The following CLCA1 variants were observed in gnomAD, a reference collection of about 807,000 sequenced individuals.
CLCA1 encodes calcium-activated chloride channel regulator 1.
In CLCA1, 59 loss-of-function variants were observed where a neutral mutation model predicts 85.6. The observed-to-expected ratio is 0.69, with a 90% confidence interval of 0.56 to 0.86. CLCA1 has a LOEUF of 0.86. Ranked by LOEUF, CLCA1 falls within the 40% of genes least tolerant of loss-of-function variation. CLCA1 has a pLI of 0.00. For missense variants in CLCA1, 1,022 were observed against 1,101.4 expected (o/e 0.93, Z 1.02); for synonymous variants, 396 against 398.3 (o/e 0.99, Z 0.07).
At chr1:86,472,479 C>T (rs1485987489) in intron 1 of CLCA1, among the ~76,000 whole-genome samples, 2 of 152,148 alleles carry the variant, frequency 1.3e-5, no homozygotes, top group African/African-American at 4.8e-5. Context: ...GCTCAGTCTT[C>T]AGCCTCTTTT....
rs1170491879 is a variant in CLCA1, at chr1:86,493,568, T to C, written c.1649T>C (p.Met550Thr). Residue 550 changes from methionine to threonine, a missense_variant, in exon 10 of 14, where the codon ATG (methionine) becomes ACG (threonine). Met to Thr is a moderately conservative substitution (Grantham distance 81, BLOSUM62 -1). Coordinates refer to ENST00000394711, the MANE Select transcript of CLCA1 (RefSeq NM_001285.4). ...GGFVVDKNTK[M>T]AYLQIPGIAK... is the part of the protein sequence containing the mutation. Reference sequence around the variant, plus strand: ...TTTGTAGTGGACAAAAACACCAAAATGGCCTACCTCCAAATCCCAGGCATT... The same window carrying C: ...TTTGTAGTGGACAAAAACACCAAAACGGCCTACCTCCAAATCCCAGGCATT... The C allele has an allele frequency of 6.2e-7, 1 of 1,614,130 alleles. No individual in the cohort carries two copies. Among genetic ancestry groups the C allele is most frequent in the Non-Finnish European group, 8.5e-7 (1 of 1,179,960 alleles).
chr1:86,489,855 C>A (rs964052361), intron 8 of CLCA1, among the ~76,000 whole-genome samples: 1 of 152,144 alleles, frequency 6.6e-6, no homozygotes, highest in Admixed American at 6.5e-5. Context: ...CTTCTGAGGC[C>A]ACTAAAATGC....
intron 12 of CLCA1, among the ~76,000 whole-genome samples, chr1:86,498,161 AGGAAGGAAGGAAGGAAGGAAGGAAGGAT>A (rs1415475243): frequency 8.4e-6 from 1 of 118,998 alleles, no homozygotes; most frequent in East Asian, 2.2e-4. Flanking sequence ...AAAGAAAGGA[AGGAAGGAAGGAAGGAAGGAAGGAAGGAT>A]GGAAGGAAGG....
At chr1:86,491,464 T>C (rs142013304) in intron 9 of CLCA1, 93 bp downstream of exon 9, 170 of 741,068 alleles carry the variant, frequency 2.3e-4, no homozygotes, top group African/African-American at 2.2e-3. Flanking sequence ...TTTTCCACTC[T>C]TCTGGTACTG....
chr1:86,483,388 A>G (rs550790683), intron 5 of CLCA1, among the ~76,000 whole-genome samples: 2 of 152,326 alleles, frequency 1.3e-5, no homozygotes, highest in Middle Eastern at 3.4e-3. Flanking sequence ...GCACATAAAG[A>G]GAAAAATGTT....
chr1:86,487,459 G>T (rs1433653016), intron 7 of CLCA1, among the ~76,000 whole-genome samples: 1 of 152,154 alleles, frequency 6.6e-6, no homozygotes, highest in Non-Finnish European at 1.5e-5. Context: ...AATTTAGGAT[G>T]CCCCCTGGGG....
At chr1:86,487,944 T>G (rs1328507406) in intron 7 of CLCA1, among the ~76,000 whole-genome samples, 2 of 152,250 alleles carry the variant, frequency 1.3e-5, no homozygotes, top group African/African-American at 4.8e-5. Context: ...TGCAGCTTAG[T>G]AAGGCCAAAG....
At chr1:86,486,420 C>A in intron 6 of CLCA1, 106 bp from the exon 7 acceptor site, 1 of 933,988 alleles carries the variant, frequency 1.1e-6, no homozygotes, top group Non-Finnish European at 1.6e-6. Flanking sequence ...AGCTTATGGT[C>A]ATTTGCTCTA....
rs1254341747 is a variant in CLCA1, at chr1:86,473,483, G to A, written c.229G>A (p.Val77Ile). The A allele has an allele frequency of 6.2e-7, 1 of 1,610,906 alleles. No individual in the cohort carries two copies. Among genetic ancestry groups the A allele is most frequent in the Non-Finnish European group, 8.5e-7 (1 of 1,177,404 alleles). The change falls in exon 2 of 14, where the codon GTT (valine) becomes ATT (isoleucine). Residue 77 changes from valine to isoleucine, a missense_variant. By Grantham distance (29) the Val-to-Ile change is conservative. Coordinates refer to ENST00000394711, the MANE Select transcript of CLCA1 (RefSeq NM_001285.4). ...ATGKRFYFKN[V>I]AILIPETWKT... ...AGGAAAGCGATTTTATTTCAAAAAT[G>A]TTGCCATTTTGATTCCTGAAACATG...
chr1:86,473,893 C>T lies in CLCA1; in HGVS notation c.451+17C>T. 6.4e-7 allele frequency: 1 copy of T among 1,556,728 alleles called. No individual in the cohort carries two copies. The highest frequency in any genetic ancestry group is 8.7e-7 in the Non-Finnish European group (1 of 1,145,108). On this transcript the variant is annotated intron_variant, in intron 3 of 13. Coordinates refer to ENST00000394711, the MANE Select transcript of CLCA1 (RefSeq NM_001285.4). ...GACCACAAGGTATGAAATATTCTAC[C>T]ATACTTCTCATACAATTTAACTATT...
intron 12 of CLCA1, among the ~76,000 whole-genome samples, chr1:86,497,905 G>A (rs972682837): frequency 1.1e-4 from 17 of 152,196 alleles, no homozygotes; most frequent in African/African-American, 3.9e-4. Flanking sequence ...CACTTTGGGA[G>A]GCTGAGGCAG....
rs931422972 is a variant in CLCA1, at chr1:86,473,318, C to T, written c.163-99C>T. ...TTCTTCTTCCCATCTTAACAAATAA[C>T]AAGTTTTTGAAAATGTGAAATCCAG... On this transcript the variant is annotated intron_variant, in intron 1 of 13. Transcript: ENST00000394711. 16 of 825,346 alleles carry T rather than the reference C, an allele frequency of 1.9e-5. No individual in the cohort carries two copies. In the African/African-American group the frequency reaches 2.4e-4, roughly 12 times the overall value. The allele number at this position is 825,346 out of a possible 1,614,324, so 51.1% of individuals were successfully genotyped here. A position where few individuals can be genotyped will look rare whatever the true frequency, so the allele number is the denominator to read the frequency against.
intron 4 of CLCA1, among the ~76,000 whole-genome samples, chr1:86,481,139 T>C (rs1570282663): frequency 1.3e-5 from 2 of 152,134 alleles, no homozygotes; most frequent in African/African-American, 4.8e-5. Context: ...TTTTGAATTT[T>C]TTTTTCTTTT....
chr1:86,490,020 T>C (rs964000070), intron 8 of CLCA1, among the ~76,000 whole-genome samples: 12 of 152,206 alleles, frequency 7.9e-5, no homozygotes, highest in African/African-American at 2.4e-4. Context: ...AGCTAAGCAC[T>C]GATGCAGACC....
intron 1 of CLCA1, among the ~76,000 whole-genome samples, chr1:86,470,050 T>G (rs1047895087): frequency 2.6e-5 from 4 of 152,216 alleles, no homozygotes; most frequent in Non-Finnish European, 4.4e-5. Flanking sequence ...GCATAGTGCC[T>G]GGTACATAGT....
At chr1:86,485,612 T>C in intron 6 of CLCA1, 51 bp downstream of exon 6, 2 of 1,523,300 alleles carry the variant, frequency 1.3e-6, no homozygotes, top group Non-Finnish European at 1.8e-6. Flanking sequence ...GATATGCATG[T>C]TCTGGACCCT....
At position 86,500,170 on chromosome 1, in the gene CLCA1, A is replaced by T. The variant is rs1648420258; in HGVS notation, c.*125A>T. 1.5e-5 allele frequency: 9 copies of T among 616,880 alleles called. No individual in the cohort carries two copies. The highest frequency in any genetic ancestry group is 1.7e-5 in the Non-Finnish European group (6 of 351,000). The allele number at this position is 616,880 out of a possible 1,614,324, so 38.2% of individuals were successfully genotyped here. A position where few individuals can be genotyped will look rare whatever the true frequency, so the allele number is the denominator to read the frequency against. On this transcript the variant is annotated 3_prime_UTR_variant, in exon 14 of 14. Coordinates refer to ENST00000394711, the MANE Select transcript of CLCA1 (RefSeq NM_001285.4). Reference sequence around the variant, plus strand: ...TACTAAATGTATATAGTACATTTATACTAAATGTATTCCTGTAGGGGGCGA... The same window carrying T: ...TACTAAATGTATATAGTACATTTATTCTAAATGTATTCCTGTAGGGGGCGA...
At chr1:86,477,577 C>G (rs894695689) in intron 4 of CLCA1, among the ~76,000 whole-genome samples, 2 of 151,982 alleles carry the variant, frequency 1.3e-5, no homozygotes, top group Non-Finnish European at 2.9e-5. Flanking sequence ...TAAAACCTGA[C>G]AAATGGAATG....
At chr1:86,480,825 G>C (rs1647797852) in intron 4 of CLCA1, among the ~76,000 whole-genome samples, 1 of 152,068 alleles carries the variant, frequency 6.6e-6, no homozygotes, top group Non-Finnish European at 1.5e-5. Flanking sequence ...AGCAATTTGG[G>C]TGACACATAT....
Sources: allele counts gnomAD v4.1 joint callset (sites outside exome capture counted in the v4.1 genomes callset), GRCh38; gene constraint gnomAD v4.1.1; transcripts MANE v1.5; gene names NCBI Gene and HGNC (gene_info 2026-07-23, HGNC 2026-07-21).